Variants in MAGT1 observed in about 807,000 individuals in gnomAD.
MAGT1 encodes dolichyl-diphosphooligosaccharide--protein glycosyltransferase subunit MAGT1.
A neutral mutation model predicts 28.4 loss-of-function variants in MAGT1; 4 were observed. The ratio of observed to expected loss-of-function variants is 0.14; its 90% confidence interval spans 0.07 to 0.32. The LOEUF (loss-of-function observed/expected upper bound fraction) is 0.32. Among genes scored for constraint, MAGT1 ranks in the 10% least tolerant of loss-of-function variants. The pLI, the probability that MAGT1 is intolerant of heterozygous loss-of-function variation, is 1.00. For missense variants in MAGT1, 193 were observed against 264.5 expected (o/e 0.73, Z 1.88); for synonymous variants, 89 against 89.7 (o/e 0.99, Z 0.04).
At position 77,895,426 on chromosome X, in the gene MAGT1, T is replaced by C. The variant is rs191382595; in HGVS notation, c.-16A>G. 1.4e-4 allele frequency: 175 copies of C among 1,208,146 alleles called. No homozygotes were observed. The African/African-American group carries it at 2.5e-3, about 17-fold the overall frequency. ...GCGCTGCCATGTTCGCTCCTCTCCC[T>C]TCTATAAGTGAAACTTTGCTCCGGC... is the stretch of plus-strand genomic sequence containing the variant. On this transcript the variant is annotated 5_prime_UTR_variant, in exon 1 of 10. Transcript: ENST00000618282.
chrX:77,836,874 C>T (rs189490058), intron 8 of MAGT1, among the ~76,000 whole-genome samples: 18 of 110,745 alleles, frequency 1.6e-4, no homozygotes, highest in African/African-American at 5.6e-4. Flanking sequence ...CCAGCCTGGG[C>T]GACAGAGTGA....
chrX:77,844,364 G>A (rs781929279), intron 7 of MAGT1, among the ~76,000 whole-genome samples: 22 of 110,691 alleles, frequency 2.0e-4, no homozygotes, highest in South Asian at 7.6e-4. Context: ...TCTTGCTAGC[G>A]GTCTATCAAT....
At chrX:77,888,595 T>C (rs183064322) in intron 1 of MAGT1, among the ~76,000 whole-genome samples, 1 of 111,834 alleles carries the variant, frequency 8.9e-6, no homozygotes, top group Admixed American at 9.6e-5. Flanking sequence ...TAAGCTTTAA[T>C]AACCAGAAAT....
chrX:77,856,290 T>A (rs2076981324), intron 5 of MAGT1, among the ~76,000 whole-genome samples: 1 of 108,973 alleles, frequency 9.2e-6, no homozygotes, highest in Non-Finnish European at 1.9e-5. Flanking sequence ...ACAAAAAAAT[T>A]AGCTGGGCGT....
chrX:77,832,999 G>A (rs1360962052), intron 8 of MAGT1, among the ~76,000 whole-genome samples: 4 of 111,393 alleles, frequency 3.6e-5, no homozygotes, highest in Non-Finnish European at 7.5e-5. Flanking sequence ...CAAAAAAGAA[G>A]TGCAGCTTGC....
chrX:77,862,016 T>G (rs2076996043), intron 3 of MAGT1, among the ~76,000 whole-genome samples: 1 of 111,207 alleles, frequency 9.0e-6, no homozygotes, highest in Non-Finnish European at 1.9e-5. Flanking sequence ...CCTGTACATT[T>G]AAAAAATGGT....
intron 1 of MAGT1, among the ~76,000 whole-genome samples, chrX:77,879,074 C>A (rs1425857517): frequency 1.8e-5 from 2 of 110,818 alleles, no homozygotes; most frequent in African/African-American, 6.6e-5. Flanking sequence ...TTTTTTCTCT[C>A]GAGATGGAGT....
intron 1 of MAGT1, among the ~76,000 whole-genome samples, chrX:77,888,468 T>C (rs1298860933): frequency 1.8e-5 from 2 of 111,546 alleles, no homozygotes; most frequent in African/African-American, 6.5e-5. Flanking sequence ...TCAAGTGTTA[T>C]AGAAATCTAT....
intron 7 of MAGT1, among the ~76,000 whole-genome samples, chrX:77,847,425 G>A (rs782533788): frequency 1.2e-4 from 13 of 111,765 alleles, no homozygotes; most frequent in African/African-American, 1.6e-4. Flanking sequence ...CGCTCAGTGC[G>A]CTGCATCCAC....
chrX:77,860,137 T>C (rs1038622202), intron 3 of MAGT1, among the ~76,000 whole-genome samples: 5 of 111,694 alleles, frequency 4.5e-5, no homozygotes, highest in African/African-American at 1.3e-4. Context: ...CAGGCTGGAG[T>C]GCGTTGGCGC....
chrX:77,855,728 T>C, intron 5 of MAGT1, 138 bp from the exon 6 acceptor site: 1 of 440,528 alleles, frequency 2.3e-6, no homozygotes, highest in East Asian at 4.0e-5. Flanking sequence ...AAGGCTTATA[T>C]TTCATCCCAA....
intron 1 of MAGT1, among the ~76,000 whole-genome samples, chrX:77,877,022 A>C: frequency 9.3e-6 from 1 of 107,871 alleles, no homozygotes; most frequent in African/African-American, 3.4e-5. Context: ...TCAAAAAAAA[A>C]AAAAAAAAAA....
At chrX:77,842,872 C>T (rs5959054) in intron 7 of MAGT1, among the ~76,000 whole-genome samples, 18 of 111,702 alleles carry the variant, frequency 1.6e-4, no homozygotes, top group African/African-American at 5.8e-4. Context: ...TGTGCCATGA[C>T]CACACTTTTA....
chrX:77,853,902 A>C lies in MAGT1; in HGVS notation c.825T>G (p.Phe275Leu). Reference sequence around the variant, plus strand: ...GAAAGACTTATTGTAAAAGGATACTAAACAGAAGAACAATGTGTGTTTCAG... The same window carrying C: ...GAAAGACTTATTGTAAAAGGATACTCAACAGAAGAACAATGTGTGTTTCAG... ...FVAETHIVLL[F>L]NGGVTLGMVL... The change falls in exon 7 of 10, where the codon TTT becomes TTG. Residue 275 changes from phenylalanine (F) to leucine (L), a missense_variant and splice_region_variant. Physicochemically the swap from Phe to Leu is conservative, Grantham distance 22. Coordinates refer to ENST00000618282, the MANE Select transcript of MAGT1 (RefSeq NM_001367916.1). 2 of 1,196,263 alleles carry C rather than the reference A, an allele frequency of 1.7e-6. No homozygotes were observed. Among genetic ancestry groups the C allele is most frequent in the East Asian group, 5.9e-5 (2 of 33,769 alleles).
chrX:77,874,595 CAAAA>C (rs35731315), intron 2 of MAGT1, among the ~76,000 whole-genome samples: 1 of 57,075 alleles, frequency 1.8e-5, no homozygotes. Flanking sequence ...GACTTTGTTT[CAAAA>C]AAAAAAAAAA....
chrX:77,839,214 G>A (rs1288479874), intron 8 of MAGT1, among the ~76,000 whole-genome samples: 2 of 106,982 alleles, frequency 1.9e-5, no homozygotes, highest in Non-Finnish European at 3.9e-5. Context: ...TGAGGCAGGA[G>A]AATGGGGTGA....
chrX:77,891,118 C>T (rs181684889), intron 1 of MAGT1, among the ~76,000 whole-genome samples: 19 of 110,985 alleles, frequency 1.7e-4, no homozygotes, highest in African/African-American at 6.2e-4. Flanking sequence ...CGAGGATGAA[C>T]AACTTCCCTT....
intron 8 of MAGT1, among the ~76,000 whole-genome samples, chrX:77,834,232 ATG>A (rs2076907811): frequency 2.3e-5 from 2 of 86,490 alleles, no homozygotes; most frequent in South Asian, 1.1e-3. Context: ...ATATGCATAT[ATG>A]TATATATATG....
At chrX:77,873,552 C>T (rs904702986) in intron 2 of MAGT1, among the ~76,000 whole-genome samples, 3 of 111,645 alleles carry the variant, frequency 2.7e-5, no homozygotes, top group African/African-American at 9.8e-5. Flanking sequence ...AACAGAATAG[C>T]AATCTTTGCT....
Sources: allele counts gnomAD v4.1 joint callset (sites outside exome capture counted in the v4.1 genomes callset), GRCh38; gene constraint gnomAD v4.1.1; transcripts MANE v1.5; gene names NCBI Gene and HGNC (gene_info 2026-07-23, HGNC 2026-07-21).